Variants in DPYD observed in about 807,000 individuals in gnomAD.
DPYD encodes dihydropyrimidine dehydrogenase, also known as dihydropyrimidine dehydrogenase [NADP(+)].
A neutral mutation model predicts 116.2 loss-of-function variants in DPYD; 109 were observed. The observed-to-expected ratio is 0.94, with a 90% CI of 0.80 to 1.10. DPYD has a LOEUF of 1.10. Among genes scored for constraint, DPYD ranks in the 50% least tolerant of loss-of-function variants. DPYD has a pLI of 0.00. For missense variants in DPYD, 1,302 were observed against 1,254.5 expected, an observed-to-expected ratio of 1.04 and a Z score of -0.57; for synonymous variants, 440 against 432.0, an observed-to-expected ratio of 1.02 and a Z score of -0.23.
intron 19 of DPYD, among the ~76,000 whole-genome samples, chr1:97,208,512 C>T (rs570123583): frequency 1.3e-5 from 2 of 152,052 alleles, no homozygotes; most frequent in African/African-American, 4.8e-5. Flanking sequence ...TCTTGAACTC[C>T]TGGGCTTAAG....
At chr1:97,429,193 A>T (rs1675036737) in intron 14 of DPYD, among the ~76,000 whole-genome samples, 1 of 152,080 alleles carries the variant, frequency 6.6e-6, no homozygotes, top group African/African-American at 2.4e-5. Flanking sequence ...ATCTTGGTAA[A>T]TCTGAGTTAA....
intron 16 of DPYD, among the ~76,000 whole-genome samples, chr1:97,312,047 C>T (rs1169835968): frequency 6.6e-6 from 1 of 151,510 alleles, no homozygotes; most frequent in African/African-American, 2.4e-5. Context: ...ATGGTGTGCA[C>T]ATTATGAGTT....
intron 12 of DPYD, among the ~76,000 whole-genome samples, chr1:97,541,244 T>C (rs1570929566): frequency 6.6e-6 from 1 of 152,174 alleles, no homozygotes; most frequent in African/African-American, 2.4e-5. Context: ...TGGATATAAA[T>C]GTAAATAAAT....
chr1:97,578,398 G>A (rs1383341360), intron 10 of DPYD, among the ~76,000 whole-genome samples: 1 of 151,956 alleles, frequency 6.6e-6, no homozygotes, highest in East Asian at 1.9e-4. Context: ...ACCGCACTGG[G>A]CATCATCATG....
At chr1:97,637,813 A>G (rs1359390824) in intron 8 of DPYD, among the ~76,000 whole-genome samples, 2 of 152,170 alleles carry the variant, frequency 1.3e-5, no homozygotes, top group African/African-American at 4.8e-5. Flanking sequence ...TATTTCAGGA[A>G]AATACTAACC....
intron 8 of DPYD, among the ~76,000 whole-genome samples, chr1:97,611,149 C>G (rs1655920256): frequency 6.6e-6 from 1 of 152,076 alleles, no homozygotes; most frequent in South Asian, 2.1e-4. Flanking sequence ...GAAGGCCTCA[C>G]AATCATGCCA....
At chr1:97,312,657 G>A (rs1667586876) in intron 16 of DPYD, among the ~76,000 whole-genome samples, 1 of 151,748 alleles carries the variant, frequency 6.6e-6, no homozygotes, top group African/African-American at 2.4e-5. Context: ...ATAACACACA[G>A]ATAGCCTAAT....
chr1:97,896,880 T>C (rs367674506), intron 1 of DPYD, among the ~76,000 whole-genome samples: 7 of 151,992 alleles, frequency 4.6e-5, no homozygotes, highest in Middle Eastern at 6.8e-3. Flanking sequence ...ATTTTACTTG[T>C]ATATGTGTTA....
At chr1:97,211,890 G>C (rs7551099) in intron 19 of DPYD, among the ~76,000 whole-genome samples, 1 of 151,900 alleles carries the variant, frequency 6.6e-6, no homozygotes, top group Non-Finnish European at 1.5e-5. Flanking sequence ...TCATTTTCCC[G>C]TAAGACTTTG....
intron 16 of DPYD, among the ~76,000 whole-genome samples, chr1:97,352,579 AT>A (rs957253951): frequency 1.6e-4 from 24 of 150,590 alleles, no homozygotes; most frequent in African/African-American, 4.4e-4. Flanking sequence ...AAAAAAAAAA[AT>A]CTTACAGATT....
intron 1 of DPYD, among the ~76,000 whole-genome samples, chr1:97,910,083 C>G (rs1016121390): frequency 6.6e-6 from 1 of 152,082 alleles, no homozygotes; most frequent in Non-Finnish European, 1.5e-5. Flanking sequence ...CCTTCTCTGA[C>G]TACCATGTGA....
chr1:97,485,768 C>T (rs1678598120), intron 13 of DPYD, among the ~76,000 whole-genome samples: 1 of 152,164 alleles, frequency 6.6e-6, no homozygotes, highest in African/African-American at 2.4e-5. Context: ...AACTACAAGG[C>T]TGCCCCCAGA....
At chr1:97,082,160 A>G (rs1018357504) in intron 22 of DPYD, among the ~76,000 whole-genome samples, 170 bp downstream of exon 22, 7 of 152,114 alleles carry the variant, frequency 4.6e-5, no homozygotes, top group Non-Finnish European at 1.0e-4. Context: ...GTTTCCTTTT[A>G]AAAAAAGACC....
intron 18 of DPYD, among the ~76,000 whole-genome samples, chr1:97,254,160 C>T (rs1663287056): frequency 6.6e-6 from 1 of 151,966 alleles, no homozygotes; most frequent in African/African-American, 2.4e-5. Context: ...CAGATTCTAC[C>T]CAAATATGTT....
chr1:97,305,439 T>A (rs1667101242), intron 17 of DPYD, 61 bp from the exon 18 acceptor site: 1 of 1,608,562 alleles, frequency 6.2e-7, no homozygotes, highest in Non-Finnish European at 8.5e-7. Flanking sequence ...TTAAAACCCA[T>A]TCAAACCCTC....
chr1:97,870,755 A>T (rs983408128), intron 2 of DPYD, among the ~76,000 whole-genome samples: 3 of 151,854 alleles, frequency 2.0e-5, no homozygotes, highest in Non-Finnish European at 4.4e-5. Context: ...ACGTCAGTTC[A>T]AAGGATCAGA....
intron 12 of DPYD, among the ~76,000 whole-genome samples, chr1:97,543,484 C>T (rs1184168808): frequency 6.6e-6 from 1 of 152,030 alleles, no homozygotes; most frequent in Non-Finnish European, 1.5e-5. Flanking sequence ...TTCTAAACAC[C>T]CAATTGCATG....
At chr1:97,452,331 G>T (rs1375032472) in intron 13 of DPYD, among the ~76,000 whole-genome samples, 3 of 152,124 alleles carry the variant, frequency 2.0e-5, no homozygotes, top group African/African-American at 7.2e-5. Context: ...TGTAAAGAAA[G>T]AAACTATATT....
At chr1:97,087,572 T>C (rs17471125) in intron 21 of DPYD, among the ~76,000 whole-genome samples, 15,501 of 152,124 alleles carry the variant, frequency 0.1, 1,067 homozygotes, top group Non-Finnish European at 0.15. Flanking sequence ...GGGAGATTAT[T>C]AGTGAGAGAG....
Sources: allele counts gnomAD v4.1 joint callset (sites outside exome capture counted in the v4.1 genomes callset), GRCh38; gene constraint gnomAD v4.1.1; transcripts MANE v1.5; gene names NCBI Gene and HGNC (gene_info 2026-07-23, HGNC 2026-07-21).